Variants in NRCAM observed in about 807,000 individuals in gnomAD.
NRCAM encodes NgCAM-related cell adhesion molecule.
In NRCAM, 83 loss-of-function variants were observed where a neutral mutation model predicts 156.5. The observed-to-expected ratio is 0.53, with a 90% CI of 0.44 to 0.64. The LOEUF is 0.64. NRCAM is among the 30% of genes least tolerant of loss of function. The pLI is 0.00. For missense variants in NRCAM, 1,417 were observed against 1,597.3 expected, an observed-to-expected ratio of 0.89 and a Z score of 1.92; for synonymous variants, 538 against 563.9, an observed-to-expected ratio of 0.95 and a Z score of 0.65.
chr7:108,453,652 G>A lies in NRCAM; in HGVS notation c.-332+2591C>T, dbSNP rs76897627. On this transcript the variant is annotated intron_variant, in intron 1 of 32. Coordinates refer to ENST00000379028, the MANE Select transcript of NRCAM (RefSeq NM_001037132.4). Reference sequence around the variant, plus strand: ...CTAAAATTCCTGGATTATGTAAAATGTTTAGCAACTTTCCTGTAATAAAGT... The same window carrying A: ...CTAAAATTCCTGGATTATGTAAAATATTTAGCAACTTTCCTGTAATAAAGT... Among the ~76,000 whole-genome samples the A allele has an allele frequency of 9.1e-3, 1,379 of 152,276 alleles. 16 individuals carry two copies. The highest frequency in any genetic ancestry group is 0.031 in the African/African-American group (1,291 of 41,538).
intron 2 of NRCAM, among the ~76,000 whole-genome samples, chr7:108,327,025 A>C (rs947167688): frequency 3.9e-5 from 6 of 152,116 alleles, no homozygotes; most frequent in Non-Finnish European, 7.4e-5. Flanking sequence ...TTCCAACCAA[A>C]CAGTCTTTGA....
intron 2 of NRCAM, among the ~76,000 whole-genome samples, chr7:108,322,961 A>G (rs537446693): frequency 6.6e-6 from 1 of 152,310 alleles, no homozygotes; most frequent in East Asian, 1.9e-4. Context: ...TGTGTACAAA[A>G]TGGGGTTAAT....
chr7:108,170,773 C>T (rs930196754), intron 28 of NRCAM, among the ~76,000 whole-genome samples: 21 of 151,914 alleles, frequency 1.4e-4, no homozygotes, highest in Admixed American at 2.6e-4. Context: ...CTCAGATTTT[C>T]GGGGTTCACA....
In NRCAM at chr7:108,294,849, AGCCATCTC is replaced by A. The variant is rs756906693; in HGVS notation, c.-107+17808_-107+17815del. The stretch of plus-strand genomic sequence containing the variant: ...GCTTAGTTTATACTTCCTGCCCCGC[AGCCATCTC>A]TGGTGCCAAGTTGTCTGCCCCATTC... On this transcript the variant is annotated intron_variant, in intron 3 of 32. Coordinates refer to ENST00000379028, the MANE Select transcript of NRCAM (RefSeq NM_001037132.4). Among the ~76,000 whole-genome samples the A allele has an allele frequency of 4.7e-3, 709 of 152,332 alleles. 4 individuals are homozygous for A. The highest frequency in any genetic ancestry group is 7.8e-3 in the Non-Finnish European group (531 of 68,036).
intron 2 of NRCAM, among the ~76,000 whole-genome samples, chr7:108,324,500 G>T (rs2099042130): frequency 6.6e-6 from 1 of 152,116 alleles, no homozygotes. Context: ...AGTCAAATCA[G>T]CAAGTAAACT....
intron 2 of NRCAM, among the ~76,000 whole-genome samples, chr7:108,325,635 T>G (rs1164741914): frequency 2.0e-5 from 3 of 152,150 alleles, no homozygotes; most frequent in Non-Finnish European, 4.4e-5. Context: ...CCTTAACGCT[T>G]ATCATGATCT....
chr7:108,285,242 C>A (rs1027225185), intron 3 of NRCAM, among the ~76,000 whole-genome samples: 1 of 152,182 alleles, frequency 6.6e-6, no homozygotes, highest in African/African-American at 2.4e-5. Context: ...AAAAGACCTT[C>A]CACCCTTTCC....
At chr7:108,232,734 T>TAGA (rs931017254) in intron 6 of NRCAM, among the ~76,000 whole-genome samples, 1 of 152,114 alleles carries the variant, frequency 6.6e-6, no homozygotes, top group Non-Finnish European at 1.5e-5. Context: ...CTGTCTTCTT[T>TAGA]AGAACTAGCC....
chr7:108,435,932 A>C (rs1831535508), intron 1 of NRCAM, among the ~76,000 whole-genome samples: 1 of 152,232 alleles, frequency 6.6e-6, no homozygotes, highest in South Asian at 2.1e-4. Context: ...GGAGATCCAG[A>C]CCATCCTGGC....
At chr7:108,192,201 A>G (rs2072286624) in intron 17 of NRCAM, among the ~76,000 whole-genome samples, 2 of 152,058 alleles carry the variant, frequency 1.3e-5, no homozygotes, top group African/African-American at 4.8e-5. Context: ...GAGTTTCCTT[A>G]GGCCCCAGGG....
At chr7:108,215,192 G>A (rs908714320) in intron 11 of NRCAM, among the ~76,000 whole-genome samples, 1 of 151,264 alleles carries the variant, frequency 6.6e-6, no homozygotes, top group African/African-American at 2.4e-5. Context: ...ATTGACAGCA[G>A]GGTGTTAAAG....
At position 108,231,095 on chromosome 7, in the gene NRCAM, A is replaced by G; in HGVS notation, c.486T>C (p.Ser162=). The part of the protein sequence containing the change: ...LEPITLQSGQ[S]LVLPCRPPIG... ...TTGGGGGTCTGCAGGGAAGTACTAA[A>G]GACTGACCACTTTGAAGTGTGATTG... is the stretch of plus-strand genomic sequence containing the variant. The change falls in exon 8 of 33, where the codon TCT becomes TCC. Residue 162 remains serine (S), a synonymous_variant. Coordinates refer to ENST00000379028, the MANE Select transcript of NRCAM (RefSeq NM_001037132.4). 1 of 1,609,746 alleles carries G rather than the reference A, an allele frequency of 6.2e-7. No individual in the cohort carries two copies. The highest frequency in any genetic ancestry group is 8.5e-7 in the Non-Finnish European group (1 of 1,177,276).
chr7:108,360,114 T>C (rs969624626), intron 2 of NRCAM, among the ~76,000 whole-genome samples: 11 of 152,190 alleles, frequency 7.2e-5, no homozygotes, highest in African/African-American at 2.2e-4. Context: ...AAAATGTAAA[T>C]GTAATTTCAG....
rs750475479 is a variant in NRCAM, at chr7:108,167,062, A to T, written c.3325T>A (p.Trp1109Arg). The T allele has an allele frequency of 2.5e-6, 4 of 1,613,046 alleles. No individual in the cohort carries two copies. The South Asian group carries it at 4.4e-5, about 18-fold the overall frequency. Reference protein sequence around the residue: ...EYGVAGSKEEWRKEIVNGSRS... With the variant: ...EYGVAGSKEERRKEIVNGSRS... The stretch of plus-strand genomic sequence containing the variant: ...GAACCATTTACAATTTCTTTTCTCC[A>T]TTCTTCTTTGCCTATGGAAATTTTG... Residue 1109 changes from tryptophan (W) to arginine (R), a missense_variant, in exon 30 of 33, where the codon TGG becomes AGG. This residue lies in a region of NRCAM where 179 missense variants were observed against 260.9 expected (regional missense o/e 0.69). Transcript: ENST00000379028.
Position 108,223,792 on chromosome 7 carries a change from C to G in NRCAM, c.823G>C (p.Gly275Arg). Residue 275 changes from glycine (G) to arginine (R), a missense_variant, in exon 11 of 33, where the codon GGC (glycine) becomes CGC (arginine). Physicochemically the swap from Gly to Arg is moderately radical, Grantham distance 125. Around this residue, in one of 2 missense-constraint regions of NRCAM, gnomAD observed 1,238 missense variants for 1,336.4 expected, o/e 0.93. Transcript: ENST00000379028. ...ERPPTFLTPE[G>R]NASNKEELRG... The stretch of plus-strand genomic sequence containing the variant: ...AATTCCTCTTTGTTACTTGCATTGC[C>G]TTCTGGAGTTAAAAATGTTGGTGGC... 6.2e-7 allele frequency: 1 copy of G among 1,611,494 alleles called. No individual in the cohort carries two copies. Among genetic ancestry groups the G allele is most frequent in the Non-Finnish European group, 8.5e-7 (1 of 1,177,976 alleles).
intron 20 of NRCAM, among the ~76,000 whole-genome samples, chr7:108,188,290 A>G (rs1456886908): frequency 1.3e-5 from 2 of 152,212 alleles, no homozygotes; most frequent in Middle Eastern, 3.4e-3. Flanking sequence ...TGAACTCTGC[A>G]GTGGAGCCTT....
At chr7:108,395,339 C>T (rs1199660383) in intron 2 of NRCAM, among the ~76,000 whole-genome samples, 1 of 152,182 alleles carries the variant, frequency 6.6e-6, no homozygotes, top group Non-Finnish European at 1.5e-5. Context: ...TCAAATGTAG[C>T]AGGACATTAT....
At chr7:108,213,429 A>T (rs1369498092) in intron 11 of NRCAM, among the ~76,000 whole-genome samples, 2 of 152,200 alleles carry the variant, frequency 1.3e-5, no homozygotes, top group Non-Finnish European at 2.9e-5. Context: ...CAATATTAAC[A>T]TTGAATGTAA....
At chr7:108,204,517 C>T (rs1347440069) in intron 13 of NRCAM, among the ~76,000 whole-genome samples, 1 of 152,194 alleles carries the variant, frequency 6.6e-6, no homozygotes, top group Non-Finnish European at 1.5e-5. Context: ...CACCAGATGT[C>T]GAGAAAGACC....
Sources: gnomAD v4.1 joint callset for allele counts (sites outside exome capture counted in the v4.1 genomes callset) on GRCh38, gnomAD v4.1.1 for gene constraint, gnomAD v4.1.1 regional missense constraint, MANE v1.5 for transcripts, NCBI Gene and HGNC (gene_info 2026-07-23, HGNC 2026-07-21) for gene names.